The following HMCN2 variants were observed in gnomAD, a reference collection of about 807,000 sequenced individuals.
HMCN2 encodes the protein hemicentin-2.
HMCN2 carries 325 observed loss-of-function variants against 377.5 expected under a neutral mutation model. That is an observed-to-expected ratio of 0.86 (90% CI 0.79 to 0.94). HMCN2 has a LOEUF of 0.94. HMCN2 is among the 40% of genes least tolerant of loss of function. HMCN2 has a pLI of 0.00. For missense variants in HMCN2, 4,543 were observed against 4,725.3 expected, an observed-to-expected ratio of 0.96 and a Z score of 1.13; for synonymous variants, 2,007 against 2,046.8, an observed-to-expected ratio of 0.98 and a Z score of 0.53.
chr9:130,366,328 A>T (rs1217288531), intron 43 of HMCN2, among the ~76,000 whole-genome samples: 1 of 151,934 alleles, frequency 6.6e-6, no homozygotes, highest in African/African-American at 2.4e-5. Flanking sequence ...TTGTCATGTC[A>T]CCCACATTAG....
intron 41 of HMCN2, among the ~76,000 whole-genome samples, chr9:130,365,324 G>A (rs1316917479): frequency 6.6e-6 from 1 of 152,116 alleles, no homozygotes; most frequent in Non-Finnish European, 1.5e-5. Context: ...AAGAGGCTGG[G>A]AGCTGATGAA....
chr9:130,268,177 T>G (rs1005488261), intron 1 of HMCN2, among the ~76,000 whole-genome samples: 28 of 152,192 alleles, frequency 1.8e-4, no homozygotes, highest in Admixed American at 1.4e-3. Context: ...TTCCTGAGAC[T>G]GTCCTCGCTG....
At chr9:130,356,735 T>C (rs1317594149) in intron 34 of HMCN2, among the ~76,000 whole-genome samples, 1 of 152,190 alleles carries the variant, frequency 6.6e-6, no homozygotes, top group Non-Finnish European at 1.5e-5. Context: ...AACAACTACA[T>C]TGGGATTGCT....
intron 73 of HMCN2, 37 bp downstream of exon 73, chr9:130,396,350 C>T (rs897366911): frequency 8.1e-7 from 1 of 1,241,880 alleles, no homozygotes; most frequent in Non-Finnish European, 1.0e-6. Context: ...GGGAGGCTCT[C>T]AGGTGCCACT....
Position 130,402,811 on chromosome 9 carries a change from C to T in HMCN2, c.11793C>T (p.Ala3931=), listed in dbSNP as rs1842916705. 1 of 1,289,600 alleles carries T rather than the reference C, an allele frequency of 7.8e-7. No homozygotes were observed. 79.9% of individuals were successfully genotyped at this position (1,289,600 alleles called of 1,614,324 possible). A position where few individuals can be genotyped will look rare whatever the true frequency, so the allele number is the denominator to read the frequency against. The change falls in exon 78 of 98, where the codon GCC becomes GCT. Residue 3931 remains alanine, a synonymous_variant. Transcript: ENST00000683500. ...CAGGCGCCCTGGAGATCGGGCAGGC[C>T]CTCCCCATCCACGCAGGCCGCTACA... The part of the protein sequence containing the change: ...SPSGALEIGQ[A]LPIHAGRYTC...
intron 4 of HMCN2, among the ~76,000 whole-genome samples, chr9:130,292,367 T>C (rs375213820): frequency 3.3e-5 from 5 of 152,332 alleles, no homozygotes; most frequent in African/African-American, 7.2e-5. Flanking sequence ...TGAAATGATA[T>C]TTCATTAGGG....
intron 15 of HMCN2, among the ~76,000 whole-genome samples, chr9:130,319,021 T>G (rs1837710824): frequency 6.6e-6 from 1 of 152,114 alleles, no homozygotes; most frequent in Non-Finnish European, 1.5e-5. Context: ...GGCCAGGGGC[T>G]TAAGCATCAG....
intron 46 of HMCN2, among the ~76,000 whole-genome samples, chr9:130,371,424 A>C (rs933093308): frequency 1.3e-5 from 2 of 151,780 alleles, no homozygotes; most frequent in Admixed American, 6.6e-5. Context: ...GAAAAAAAAA[A>C]AACAAACTTT....
intron 43 of HMCN2, among the ~76,000 whole-genome samples, chr9:130,367,570 G>A (rs775548360): frequency 1.3e-5 from 2 of 152,130 alleles, no homozygotes; most frequent in Non-Finnish European, 2.9e-5. Context: ...TCAGGCCACT[G>A]TAGCTAAGTG....
chr9:130,279,871 G>A (rs1406182461), intron 1 of HMCN2, among the ~76,000 whole-genome samples: 8 of 152,212 alleles, frequency 5.3e-5, no homozygotes, highest in Admixed American at 3.3e-4. Context: ...AAGGGAGATT[G>A]TCCTGGATTA....
In HMCN2 at chr9:130,375,884, G is replaced by A; in HGVS notation, c.7813G>A (p.Gly2605Arg). 5 of 985,922 alleles carry A rather than the reference G, an allele frequency of 5.1e-6. No individual in the cohort carries two copies. The highest frequency in any genetic ancestry group is 6.0e-6 in the Non-Finnish European group (5 of 830,028). The allele number at this position is 985,922 out of a possible 1,614,324, so 61.1% of individuals were successfully genotyped here. ...CACTGGCCCCCACACAGGTACCCACGGGCTGCAGATCCTGAATGCCCAGAA... is the reference window on the plus strand; with the variant it reads ...CACTGGCCCCCACACAGGTACCCACAGGCTGCAGATCCTGAATGCCCAGAA... Reference protein sequence around the residue: ...RNIQLLPGTHGLQILNAQKED... With the variant: ...RNIQLLPGTHRLQILNAQKED... The change falls in exon 51 of 98, where the codon GGG becomes AGG. Residue 2605 changes from glycine to arginine, a missense_variant. Around this residue, in one of 5 missense-constraint regions of HMCN2, gnomAD observed 736 missense variants for 773.2 expected, o/e 0.95. Transcript: ENST00000683500.
At chr9:130,395,140 C>T (rs1332033201) in intron 70 of HMCN2, 32 bp downstream of exon 70, 5 of 271,206 alleles carry the variant, frequency 1.8e-5, no homozygotes, top group African/African-American at 1.2e-4. Context: ...GGGGCAGGGC[C>T]GGGAGGCAGG....
At position 130,303,635 on chromosome 9, in the gene HMCN2, A is replaced by G. The variant is rs1458641143; in HGVS notation, c.1543+27A>G. The G allele has an allele frequency of 4.2e-6, 1 of 236,818 alleles. No homozygotes were observed. Among genetic ancestry groups the G allele is most frequent in the African/African-American group, 2.4e-5 (1 of 42,146 alleles). 14.7% of individuals were successfully genotyped at this position (236,818 alleles called of 1,614,324 possible). On this transcript the variant is annotated intron_variant, in intron 10 of 97. Coordinates refer to ENST00000683500, the MANE Select transcript of HMCN2 (RefSeq NM_001291815.2). This position sits in a 1 kb window ranked among gnomAD's most constrained non-coding sequence, Gnocchi z 5.2. ...TCTGTCCCTTGGGGCCCCTCCATGT[A>G]CCCCTTCCTTACCCTCTTCTTGGGT...
chr9:130,384,045 G>T (rs547285844), intron 57 of HMCN2, among the ~76,000 whole-genome samples: 1 of 152,198 alleles, frequency 6.6e-6, no homozygotes, highest in Non-Finnish European at 1.5e-5. Flanking sequence ...GCACTGCAGT[G>T]GCTGTGAGTT....
intron 49 of HMCN2, 94 bp downstream of exon 49, chr9:130,374,787 C>A: frequency 1.8e-6 from 1 of 543,144 alleles, no homozygotes; most frequent in Non-Finnish European, 2.3e-6. Flanking sequence ...ACAAACCATT[C>A]TACTATTTTT....
At chr9:130,417,784 T>G (rs1843777285) in intron 85 of HMCN2, among the ~76,000 whole-genome samples, 1 of 152,200 alleles carries the variant, frequency 6.6e-6, no homozygotes, top group Admixed American at 6.5e-5. Flanking sequence ...CAGTTTCTCC[T>G]GTGTTTCTGC....
chr9:130,267,360 C>T (rs1432106535), intron 1 of HMCN2, among the ~76,000 whole-genome samples: 10 of 151,324 alleles, frequency 6.6e-5, no homozygotes, highest in African/African-American at 1.5e-4. Flanking sequence ...TATCACATCT[C>T]TCTATCATTC....
chr9:130,431,911 C>T (rs1220595726), intron 96 of HMCN2, among the ~76,000 whole-genome samples: 3 of 152,236 alleles, frequency 2.0e-5, no homozygotes, highest in African/African-American at 7.2e-5. Flanking sequence ...CCTCTAACTC[C>T]CAAACCGGGC....
chr9:130,297,676 A>G lies in HMCN2; in HGVS notation c.1012+882A>G, dbSNP rs531808566. 3.9e-4 allele frequency among the ~76,000 whole-genome samples: 59 copies of G among 152,214 alleles called. No individual in the cohort carries two copies. In the South Asian group the frequency reaches 0.012, roughly 32 times the overall value. On this transcript the variant is annotated intron_variant, in intron 7 of 97. Transcript: ENST00000683500. The stretch of plus-strand genomic sequence containing the variant: ...CTTTCTTTCGAGTCTGTCTGCTCTA[A>G]TGTTTGTTATTCTTGTCAGCCCTTG...
Sources: gnomAD v4.1 joint callset for allele counts (sites outside exome capture counted in the v4.1 genomes callset) on GRCh38, gnomAD v4.1.1 for gene constraint, gnomAD v4.1.1 regional missense constraint, Gnocchi (gnomAD v3.1) non-coding constraint, MANE v1.5 for transcripts, NCBI Gene and HGNC (gene_info 2026-07-23, HGNC 2026-07-21) for gene names.